CYP7B1: variants seen among roughly 807,000 people sequenced by gnomAD.
CYP7B1 encodes the protein cytochrome P450 family 7 subfamily B member 1.
Under a neutral mutation model 42.7 loss-of-function variants are expected in CYP7B1, and 29 were observed. The observed-to-expected ratio is 0.68, with a 90% confidence interval of 0.51 to 0.93. The LOEUF is 0.93. Among genes scored for constraint, CYP7B1 ranks in the 40% least tolerant of loss-of-function variants. The pLI is 0.00. For synonymous variants in CYP7B1, 235 were observed against 218.2 expected, an observed-to-expected ratio of 1.08 and a Z score of -0.68; for missense variants, 655 against 600.5, an observed-to-expected ratio of 1.09 and a Z score of -0.95.
Position 64,776,888 on chromosome 8 carries a change from C to A in CYP7B1, c.122+21578G>T, listed in dbSNP as rs541398681. Among the ~76,000 whole-genome samples, 49 of 152,190 alleles carry A rather than the reference C, an allele frequency of 3.2e-4. 1 individual carries two copies. In the South Asian group the frequency reaches 1.0e-2, roughly 31 times the overall value. The stretch of plus-strand genomic sequence containing the variant: ...TGAACAGGACTTGCAAAGTGCCCTT[C>A]AGTTTAGATAATACCTCCTTGGTTC... On this transcript the variant is annotated intron_variant, in intron 1 of 5. Transcript: ENST00000310193.
chr8:64,777,174 T>TAAA (rs71561235), intron 1 of CYP7B1, among the ~76,000 whole-genome samples: 9 of 113,122 alleles, frequency 8.0e-5, no homozygotes, highest in Non-Finnish European at 7.5e-5. Flanking sequence ...GGTCATTTTG[T>TAAA]AAAAAAAAAA....
chr8:64,729,678 T>C (rs1406637432), intron 1 of CYP7B1, among the ~76,000 whole-genome samples: 1 of 152,246 alleles, frequency 6.6e-6, no homozygotes, highest in Non-Finnish European at 1.5e-5. Flanking sequence ...CTTGAATTTC[T>C]CGTCATGAAA....
chr8:64,638,078 A>G (rs1805799681), intron 1 of CYP7B1, among the ~76,000 whole-genome samples: 1 of 152,120 alleles, frequency 6.6e-6, no homozygotes. Flanking sequence ...TGATTCATAA[A>G]TGCAATTTCT....
chr8:64,679,401 C>A (rs886518227), intron 1 of CYP7B1, among the ~76,000 whole-genome samples: 5 of 152,078 alleles, frequency 3.3e-5, no homozygotes, highest in African/African-American at 9.7e-5. Flanking sequence ...TAGAAATAAC[C>A]TTTAAAAACA....
chr8:64,738,703 A>G (rs1807526215), intron 1 of CYP7B1, among the ~76,000 whole-genome samples: 1 of 152,202 alleles, frequency 6.6e-6, no homozygotes, highest in Admixed American at 6.6e-5. Flanking sequence ...CTAAAAATCA[A>G]CAATTTTTCT....
At chr8:64,621,693 T>C (rs1418602481) in intron 2 of CYP7B1, among the ~76,000 whole-genome samples, 1 of 151,338 alleles carries the variant, frequency 6.6e-6, no homozygotes, top group Non-Finnish European at 1.5e-5. Context: ...AGATGCATGA[T>C]TTTTTTCCAT....
chr8:64,587,964 G>A (rs778273853), downstream of CYP7B1, among the ~76,000 whole-genome samples: 15 of 152,164 alleles, frequency 9.9e-5, no homozygotes, highest in Non-Finnish European at 2.1e-4. Flanking sequence ...TGCACAATGT[G>A]TTATTCTCCT....
rs76525085 is a variant in CYP7B1 at position 64,594,688 on chromosome 8, A to T, written c.*1954T>A. 0.023 allele frequency among the ~76,000 whole-genome samples: 3,571 copies of T among 152,308 alleles called. 138 individuals are homozygous for T. Among genetic ancestry groups the T allele is most frequent in the African/African-American group, 0.08 (3,323 of 41,554 alleles). The stretch of plus-strand genomic sequence containing the variant: ...CTAGAGTTAAAACAAAAAGAAGGAA[A>T]AAACAAACTCAGTGGATGAGTTGGA... On this transcript the variant is annotated 3_prime_UTR_variant, in exon 6 of 6. Transcript: ENST00000310193.
intron 1 of CYP7B1, among the ~76,000 whole-genome samples, chr8:64,692,631 C>A (rs1806765011): frequency 6.6e-6 from 1 of 152,178 alleles, no homozygotes; most frequent in African/African-American, 2.4e-5. Flanking sequence ...GACTTTATCA[C>A]ATTGAGTACA....
At position 64,596,340 on chromosome 8, in the gene CYP7B1, G is replaced by T. The variant is rs1183711900; in HGVS notation, c.*302C>A. ...ATTCCACAGTGCCCAATCTATTGGT[G>T]TGAAGGTACATTTATTATAACAGGT... On this transcript the variant is annotated 3_prime_UTR_variant, in exon 6 of 6. Coordinates refer to ENST00000310193, the MANE Select transcript of CYP7B1 (RefSeq NM_004820.5). 7.4e-6 allele frequency: 2 copies of T among 269,384 alleles called. No homozygotes were observed. The highest frequency in any genetic ancestry group is 1.5e-5 in the Non-Finnish European group (2 of 136,968). 16.7% of individuals were successfully genotyped at this position (269,384 alleles called of 1,614,324 possible).
At chr8:64,757,571 T>C (rs1807826201) in intron 1 of CYP7B1, among the ~76,000 whole-genome samples, 1 of 152,176 alleles carries the variant, frequency 6.6e-6, no homozygotes, top group Non-Finnish European at 1.5e-5. Flanking sequence ...CAATGGTCAG[T>C]GTCCTATGTG....
At chr8:64,733,500 AAAG>A (rs1331032931) in intron 1 of CYP7B1, among the ~76,000 whole-genome samples, 1 of 152,188 alleles carries the variant, frequency 6.6e-6, no homozygotes, top group Non-Finnish European at 1.5e-5. Context: ...CAGTATTTAC[AAAG>A]AAGAATTTGA....
chr8:64,665,730 C>G (rs1418166195), intron 1 of CYP7B1, among the ~76,000 whole-genome samples: 1 of 151,826 alleles, frequency 6.6e-6, no homozygotes, highest in Non-Finnish European at 1.5e-5. Flanking sequence ...GCATGTGCCA[C>G]CATGCCTGGT....
At chr8:64,664,685 T>C (rs950624714) in intron 1 of CYP7B1, among the ~76,000 whole-genome samples, 1 of 152,198 alleles carries the variant, frequency 6.6e-6, no homozygotes, top group Non-Finnish European at 1.5e-5. Context: ...GGACTTTCTC[T>C]TGATGAGTGC....
At chr8:64,666,541 G>C (rs1292168471) in intron 1 of CYP7B1, among the ~76,000 whole-genome samples, 1 of 110,574 alleles carries the variant, frequency 9.0e-6, no homozygotes, top group Non-Finnish European at 2.2e-5. Context: ...GTCAGGCTAG[G>C]AAGAGTGTCC....
At chr8:64,736,474 A>G (rs1364455546) in intron 1 of CYP7B1, among the ~76,000 whole-genome samples, 2 of 152,172 alleles carry the variant, frequency 1.3e-5, no homozygotes, top group East Asian at 1.9e-4. Context: ...TTTTTGAGAC[A>G]GACTTTTGCT....
intron 4 of CYP7B1, among the ~76,000 whole-genome samples, chr8:64,613,683 T>G (rs1257001062): frequency 6.6e-6 from 1 of 152,160 alleles, no homozygotes; most frequent in African/African-American, 2.4e-5. Context: ...TATTTGTATT[T>G]TAGTAATGTT....
chr8:64,749,817 G>C (rs1807701272), intron 1 of CYP7B1, among the ~76,000 whole-genome samples: 1 of 152,134 alleles, frequency 6.6e-6, no homozygotes, highest in South Asian at 2.1e-4. Flanking sequence ...TTAAAAACAG[G>C]GTGGGTGGAA....
intron 1 of CYP7B1, among the ~76,000 whole-genome samples, chr8:64,757,847 T>C (rs1235112221): frequency 6.6e-6 from 1 of 152,172 alleles, no homozygotes; most frequent in Non-Finnish European, 1.5e-5. Flanking sequence ...TCATCCAATA[T>C]GGGATGGGAA....
Sources: gnomAD v4.1 joint callset for allele counts (sites outside exome capture counted in the v4.1 genomes callset) on GRCh38, gnomAD v4.1.1 for gene constraint, MANE v1.5 for transcripts, NCBI Gene and HGNC (gene_info 2026-07-23, HGNC 2026-07-21) for gene names.